Variants in TRPS1 observed in about 807,000 individuals in gnomAD.
TRPS1 encodes zinc finger transcription factor Trps1.
Under a neutral mutation model 101.2 loss-of-function variants are expected in TRPS1, and 6 were observed. The ratio of observed to expected loss-of-function variants is 0.06; its 90% confidence interval spans 0.03 to 0.12. The LOEUF is 0.12. TRPS1 is among the 10% of genes least tolerant of loss of function. The probability of loss-of-function intolerance (pLI) is 1.00; values close to 1 mark genes in which losing one functional copy is unlikely to be tolerated. For missense variants in TRPS1, 1,363 were observed against 1,567.0 expected, an observed-to-expected ratio of 0.87 and a Z score of 2.20; for synonymous variants, 578 against 589.8, an observed-to-expected ratio of 0.98 and a Z score of 0.29.
chr8:115,554,047 TTAATTTTAAAGAAACTA>T (rs1281762241), intron 5 of TRPS1, among the ~76,000 whole-genome samples: 1 of 152,202 alleles, frequency 6.6e-6, no homozygotes, highest in African/African-American at 2.4e-5. Flanking sequence ...AAAAACATTT[TTAATTTTAAAGAAACTA>T]AGAGTGTGGA....
At chr8:115,615,498 G>A (rs961459104) in intron 3 of TRPS1, among the ~76,000 whole-genome samples, 2 of 152,172 alleles carry the variant, frequency 1.3e-5, no homozygotes, top group African/African-American at 2.4e-5. Context: ...AGCAGGGCGC[G>A]GTGGCTCACG....
intron 5 of TRPS1, among the ~76,000 whole-genome samples, chr8:115,475,683 C>T (rs865920572): frequency 6.6e-6 from 1 of 152,096 alleles, no homozygotes; most frequent in Non-Finnish European, 1.5e-5. Flanking sequence ...TTTAGCAGTG[C>T]TATCTCGACG....
At chr8:115,667,922 C>T in intron 1 of TRPS1, 1 of 1,535,518 alleles carries the variant, frequency 6.5e-7, no homozygotes. Flanking sequence ...CACGAGCCCC[C>T]AGAAAACTTG....
intron 5 of TRPS1, among the ~76,000 whole-genome samples, chr8:115,438,151 T>A (rs1159618265): frequency 6.6e-6 from 1 of 152,216 alleles, no homozygotes; most frequent in Non-Finnish European, 1.5e-5. Context: ...TATAGTTTTA[T>A]AGGCACAGGA....
intron 1 of TRPS1, among the ~76,000 whole-genome samples, chr8:115,649,724 G>C (rs181992962): frequency 6.6e-6 from 1 of 152,284 alleles, no homozygotes. Flanking sequence ...TCATTTCTAT[G>C]CAAACCGTGT....
At chr8:115,638,778 C>T (rs777881286) in intron 1 of TRPS1, among the ~76,000 whole-genome samples, 38 of 152,146 alleles carry the variant, frequency 2.5e-4, no homozygotes, top group Non-Finnish European at 5.0e-4. Context: ...TTCTTAATTC[C>T]CACAGTAATA....
chr8:115,477,357 A>G (rs1814632666), intron 5 of TRPS1, among the ~76,000 whole-genome samples: 1 of 152,240 alleles, frequency 6.6e-6, no homozygotes, highest in Non-Finnish European at 1.5e-5. Context: ...ATATTTAAGG[A>G]TACATGCACC....
chr8:115,537,184 C>T (rs1816343919), intron 5 of TRPS1, among the ~76,000 whole-genome samples: 3 of 152,112 alleles, frequency 2.0e-5, no homozygotes, highest in Admixed American at 6.5e-5. Context: ...AAGTTAACTA[C>T]AAGTATATTC....
chr8:115,590,314 T>C (rs1283782736), intron 4 of TRPS1, among the ~76,000 whole-genome samples: 1 of 152,206 alleles, frequency 6.6e-6, no homozygotes, highest in African/African-American at 2.4e-5. Context: ...AAGATGGTTA[T>C]AATGGACTCA....
chr8:115,581,629 T>C (rs1817455269), intron 5 of TRPS1, among the ~76,000 whole-genome samples: 1 of 152,118 alleles, frequency 6.6e-6, no homozygotes, highest in Non-Finnish European at 1.5e-5. Context: ...ATCAAACTAA[T>C]AAAACCAAAC....
chr8:115,667,723 C>T (rs1287984610), intron 1 of TRPS1: 2 of 1,065,504 alleles, frequency 1.9e-6, no homozygotes, highest in African/African-American at 3.2e-5. Flanking sequence ...TCTCCAGAGC[C>T]CAGCTGGGCC....
chr8:115,620,181 G>GA, intron 2 of TRPS1, 121 bp from the exon 3 acceptor site: 4 of 811,158 alleles, frequency 4.9e-6, no homozygotes, highest in African/African-American at 2.6e-5. Flanking sequence ...GCTTCCTCTA[G>GA]GAAAAAAAAA....
chr8:115,598,011 GAC>G (rs1022801254), intron 4 of TRPS1, among the ~76,000 whole-genome samples: 84 of 152,134 alleles, frequency 5.5e-4, no homozygotes, highest in Non-Finnish European at 1.8e-4. Context: ...AAGTTTAACA[GAC>G]ACAGGTTAAG....
chr8:115,629,378 C>T (rs1818587108), intron 1 of TRPS1, among the ~76,000 whole-genome samples: 1 of 151,648 alleles, frequency 6.6e-6, no homozygotes, highest in South Asian at 2.1e-4. Context: ...ACAGATAGAA[C>T]ATTGGATTTT....
intron 1 of TRPS1, among the ~76,000 whole-genome samples, chr8:115,667,550 C>A (rs1014060493): frequency 5.3e-5 from 8 of 152,176 alleles, no homozygotes; most frequent in African/African-American, 1.7e-4. Flanking sequence ...CGACACATGG[C>A]GCATCAACCG....
intron 5 of TRPS1, among the ~76,000 whole-genome samples, chr8:115,566,090 C>G (rs1041343430): frequency 2.6e-5 from 4 of 152,042 alleles, no homozygotes; most frequent in African/African-American, 9.7e-5. Flanking sequence ...ATTGAATTAC[C>G]ATAACATCTT....
intron 1 of TRPS1, among the ~76,000 whole-genome samples, chr8:115,628,787 T>A (rs888210858): frequency 1.3e-5 from 2 of 151,800 alleles, no homozygotes; most frequent in Non-Finnish European, 3.0e-5. Flanking sequence ...TAAGCATAGA[T>A]GACAAGAAAC....
Position 115,660,962 on chromosome 8 carries a change from G to A in TRPS1, c.-122+7583C>T, listed in dbSNP as rs572329414. ...CTAGGGAAAAATGCATTGGGTCATA[G>A]TACAGAGTCTTTACATGTTCCATAT... is the stretch of plus-strand genomic sequence containing the variant. On this transcript the variant is annotated intron_variant, in intron 1 of 6. Coordinates refer to ENST00000395715, the MANE Select transcript of TRPS1 (RefSeq NM_014112.5). Among the ~76,000 whole-genome samples, 8 of 152,042 alleles carry A rather than the reference G, an allele frequency of 5.3e-5. No homozygotes were observed. In the South Asian group the frequency reaches 6.2e-4, roughly 12 times the overall value.
chr8:115,495,776 G>A (rs1434331474), intron 5 of TRPS1, among the ~76,000 whole-genome samples: 1 of 151,994 alleles, frequency 6.6e-6, no homozygotes, highest in Non-Finnish European at 1.5e-5. Flanking sequence ...TTAACCAGAG[G>A]ATCAGGTTAC....
Sources: gnomAD v4.1 joint callset for allele counts (sites outside exome capture counted in the v4.1 genomes callset) on GRCh38, gnomAD v4.1.1 for gene constraint, MANE v1.5 for transcripts, NCBI Gene and HGNC (gene_info 2026-07-23, HGNC 2026-07-21) for gene names.